Variants in AKAP19 observed in about 807,000 individuals in gnomAD.
The protein encoded by AKAP19 is A-kinase anchoring protein 19, also known as small A-kinase anchoring protein.
the AKAP19 span, among the ~76,000 whole-genome samples, chr2:190,120,750 A>G: frequency 0.019 from 2,859 of 152,300 alleles, 86 homozygotes; most frequent in African/African-American, 0.064. Context: ...TTGTAGAACA[A>G]CTGTAATTTT....
the AKAP19 span, among the ~76,000 whole-genome samples, chr2:190,122,928 G>A: frequency 6.6e-6 from 1 of 151,458 alleles, no homozygotes; most frequent in Non-Finnish European, 1.5e-5. Flanking sequence ...TCCTACTTTG[G>A]CCTCCTGAGT....
chr2:190,167,653 T>G, the AKAP19 span, among the ~76,000 whole-genome samples: 1 of 152,174 alleles, frequency 6.6e-6, no homozygotes, highest in African/African-American at 2.4e-5. Flanking sequence ...TTGGAGAAAT[T>G]GGCTGAAACA....
chr2:189,922,498 T>A, the AKAP19 span, among the ~76,000 whole-genome samples: 2 of 152,336 alleles, frequency 1.3e-5, no homozygotes, highest in South Asian at 2.1e-4. Context: ...TGGTGAATTC[T>A]GTATTTGCAA....
At chr2:190,009,355 G>A in the AKAP19 span, among the ~76,000 whole-genome samples, 1 of 152,176 alleles carries the variant, frequency 6.6e-6, no homozygotes, top group Non-Finnish European at 1.5e-5. Context: ...GGCTCATACT[G>A]AAGCCACATA....
At chr2:189,932,861 A>C in the AKAP19 span, among the ~76,000 whole-genome samples, 2 of 152,152 alleles carry the variant, frequency 1.3e-5, no homozygotes, top group African/African-American at 4.8e-5. Flanking sequence ...GGTAACATTT[A>C]ATTAAAAGCC....
the AKAP19 span, among the ~76,000 whole-genome samples, chr2:190,187,409 C>CT: frequency 0.033 from 4,377 of 131,248 alleles, 166 homozygotes; most frequent in African/African-American, 0.08. Context: ...TTAGAAGTTA[C>CT]TTTTTTTTTT....
At chr2:190,175,529 G>A in the AKAP19 span, among the ~76,000 whole-genome samples, 2 of 152,198 alleles carry the variant, frequency 1.3e-5, no homozygotes, top group African/African-American at 2.4e-5. Context: ...CGGACATTTA[G>A]TTACACCTGG....
chr2:190,142,724 A>G, the AKAP19 span, among the ~76,000 whole-genome samples: 1 of 152,216 alleles, frequency 6.6e-6, no homozygotes, highest in Non-Finnish European at 1.5e-5. Flanking sequence ...GGAGGTCCCC[A>G]AATGCTGGTG....
At chr2:190,168,970 G>A in the AKAP19 span, among the ~76,000 whole-genome samples, 7 of 152,034 alleles carry the variant, frequency 4.6e-5, no homozygotes, top group Non-Finnish European at 8.8e-5. Flanking sequence ...ACATTTTCAG[G>A]TATCTTTTCA....
At chr2:189,920,712 A>G in the AKAP19 span, among the ~76,000 whole-genome samples, 2 of 152,238 alleles carry the variant, frequency 1.3e-5, no homozygotes, top group South Asian at 4.2e-4. Flanking sequence ...TTTTGTTCAA[A>G]TTCTCCAGCC....
chr2:189,898,307 G>A, the AKAP19 span, among the ~76,000 whole-genome samples: 18 of 152,140 alleles, frequency 1.2e-4, no homozygotes, highest in South Asian at 4.1e-4. Context: ...ACTAGACACC[G>A]TTCTAAGCCC....
At chr2:190,118,273 A>T in the AKAP19 span, among the ~76,000 whole-genome samples, 1 of 152,238 alleles carries the variant, frequency 6.6e-6, no homozygotes, top group Non-Finnish European at 1.5e-5. Flanking sequence ...TTCACAGCCG[A>T]ATTCTACCAG....
At chr2:189,952,220 G>A in the AKAP19 span, among the ~76,000 whole-genome samples, 12 of 152,078 alleles carry the variant, frequency 7.9e-5, no homozygotes, top group Non-Finnish European at 1.6e-4. Flanking sequence ...AATAAAACTT[G>A]TATGCTTTTT....
At chr2:190,132,213 A>G in the AKAP19 span, among the ~76,000 whole-genome samples, 1 of 152,226 alleles carries the variant, frequency 6.6e-6, no homozygotes, top group South Asian at 2.1e-4. Context: ...TTAAATGTCC[A>G]TATTACAAAG....
the AKAP19 span, among the ~76,000 whole-genome samples, chr2:190,032,875 T>A: frequency 6.6e-6 from 1 of 152,230 alleles, no homozygotes; most frequent in African/African-American, 2.4e-5. Flanking sequence ...TGCTCTTAAA[T>A]ATACAAGAAT....
At chr2:190,079,662 T>C in the AKAP19 span, 1 of 152,086 alleles carries the variant, frequency 6.6e-6, no homozygotes, top group Non-Finnish European at 1.5e-5. Flanking sequence ...AATACAAAAA[T>C]TAGCTGGATG....
the AKAP19 span, among the ~76,000 whole-genome samples, chr2:190,142,075 G>A: frequency 6.6e-6 from 1 of 152,156 alleles, no homozygotes; most frequent in Non-Finnish European, 1.5e-5. Context: ...AATTCAGGCT[G>A]TGATGTCAGC....
At chr2:190,178,611 T>C in the AKAP19 span, among the ~76,000 whole-genome samples, 1 of 152,182 alleles carries the variant, frequency 6.6e-6, no homozygotes, top group Non-Finnish European at 1.5e-5. The surrounding 1 kb of genome is among the most constrained non-coding windows in gnomAD (Gnocchi z 6.3). Flanking sequence ...AGCCCTATGA[T>C]GGCGAAGGAA....
the AKAP19 span, among the ~76,000 whole-genome samples, chr2:190,185,296 G>T: frequency 1.3e-5 from 2 of 152,180 alleles, no homozygotes; most frequent in African/African-American, 4.8e-5. Flanking sequence ...TGTGACCAAG[G>T]CCTGTGAATC....
Sources: gnomAD v4.1 joint callset for allele counts (sites outside exome capture counted in the v4.1 genomes callset) on GRCh38, gnomAD v4.1.1 for gene constraint, Gnocchi (gnomAD v3.1) non-coding constraint, MANE v1.5 for transcripts, NCBI Gene and HGNC (gene_info 2026-07-23, HGNC 2026-07-21) for gene names.